The following MYO5C variants were observed in gnomAD, a reference collection of about 807,000 sequenced individuals.
The protein encoded by MYO5C is myosin VC, also known as unconventional myosin-Vc.
A neutral mutation model predicts 235.7 loss-of-function variants in MYO5C; 194 were observed. That is an observed-to-expected ratio of 0.82 (90% CI 0.73 to 0.93). The LOEUF is 0.93. Among genes scored for constraint, MYO5C ranks in the 40% least tolerant of loss-of-function variants. The pLI, the probability that MYO5C is intolerant of heterozygous loss-of-function variation, is 0.00. For synonymous variants in MYO5C, 707 were observed against 754.8 expected, an observed-to-expected ratio of 0.94 and a Z score of 1.04; for missense variants, 2,038 against 2,127.2, an observed-to-expected ratio of 0.96 and a Z score of 0.82.
At chr15:52,291,733 T>TTTTTTTTTTTTTG in intron 1 of MYO5C, among the ~76,000 whole-genome samples, 1 of 48,862 alleles carries the variant, frequency 2.0e-5, no homozygotes, top group African/African-American at 8.9e-5. Flanking sequence ...TATTTTATGT[T>TTTTTTTTTTTTTG]TTTTTTTTTT....
chr15:52,245,534 C>T, intron 17 of MYO5C, 69 bp from the exon 18 acceptor site: 1 of 1,037,196 alleles, frequency 9.6e-7, no homozygotes, highest in Non-Finnish European at 1.5e-6. Context: ...GACTCCGCTG[C>T]CTTACCTGCC....
intron 38 of MYO5C, among the ~76,000 whole-genome samples, chr15:52,204,256 C>A (rs999675058): frequency 6.6e-6 from 1 of 151,874 alleles, no homozygotes; most frequent in Admixed American, 6.6e-5. Flanking sequence ...ACACCAGCCT[C>A]CGCTTACTCC....
chr15:52,289,445 T>G (rs1375806099), intron 1 of MYO5C, among the ~76,000 whole-genome samples: 1 of 152,188 alleles, frequency 6.6e-6, no homozygotes, highest in African/African-American at 2.4e-5. Context: ...CTAGCTCTCT[T>G]GCCCCTCATG....
chr15:52,225,399 A>G, intron 26 of MYO5C, 40 bp downstream of exon 26: 1 of 1,454,776 alleles, frequency 6.9e-7, no homozygotes, highest in Non-Finnish European at 9.7e-7. Context: ...TGATAAATTC[A>G]GTCTGCACCC....
Position 52,213,290 on chromosome 15 carries a change from T to C in MYO5C, c.4043-4A>G, listed in dbSNP as rs200229234. On this transcript the variant is annotated splice_region_variant and splice_polypyrimidine_tract_variant and intron_variant, in intron 33 of 40. Transcript: ENST00000261839. Reference sequence around the variant, plus strand: ...GAGGACGAGTGCACATCATTGGCTGTAGACAGAGGCAAACAATCAGCTAAA... The same window carrying C: ...GAGGACGAGTGCACATCATTGGCTGCAGACAGAGGCAAACAATCAGCTAAA... The C allele has an allele frequency of 1.9e-6, 3 of 1,608,420 alleles. No homozygotes were observed. Among genetic ancestry groups the C allele is most frequent in the South Asian group, 1.1e-5 (1 of 90,942 alleles).
chr15:52,209,102 C>T (rs1275280000), intron 35 of MYO5C, among the ~76,000 whole-genome samples: 1 of 151,998 alleles, frequency 6.6e-6, no homozygotes, highest in African/African-American at 2.4e-5. Flanking sequence ...GGTGGAGAGA[C>T]AAGAGCTCAG....
chr15:52,291,159 A>G (rs774073212), intron 1 of MYO5C, among the ~76,000 whole-genome samples: 1 of 152,230 alleles, frequency 6.6e-6, no homozygotes, highest in Non-Finnish European at 1.5e-5. Context: ...ACACTGAGGG[A>G]TGCTCACAAG....
chr15:52,249,833 T>G (rs1012011209), intron 13 of MYO5C, among the ~76,000 whole-genome samples: 1 of 152,212 alleles, frequency 6.6e-6, no homozygotes, highest in Admixed American at 6.5e-5. Flanking sequence ...CTGCTACATC[T>G]AAGCTCAGCT....
intron 36 of MYO5C, among the ~76,000 whole-genome samples, chr15:52,206,536 A>G (rs947334827): frequency 1.3e-5 from 2 of 152,126 alleles, no homozygotes; most frequent in African/African-American, 4.8e-5. Context: ...ATGTCCTTAT[A>G]AGAAGAGACA....
intron 11 of MYO5C, among the ~76,000 whole-genome samples, chr15:52,256,365 A>G (rs186605169): frequency 2.4e-4 from 37 of 152,256 alleles, no homozygotes; most frequent in Middle Eastern, 6.8e-3. Context: ...CCAACTAAAT[A>G]GTTTTGTCTG....
chr15:52,291,473 C>G (rs1232871297), intron 1 of MYO5C, among the ~76,000 whole-genome samples: 2 of 152,122 alleles, frequency 1.3e-5, no homozygotes, highest in Non-Finnish European at 2.9e-5. Flanking sequence ...TAACCCATGC[C>G]TGGTGCCTTT....
At position 52,214,586 on chromosome 15, in the gene MYO5C, C is replaced by T. The variant is rs751296402; in HGVS notation, c.4042+17G>A. The T allele has an allele frequency of 1.2e-5, 18 of 1,546,926 alleles. No homozygotes were observed. Among genetic ancestry groups the T allele is most frequent in the Non-Finnish European group, 1.6e-5 (18 of 1,137,020 alleles). ...GCCTTAGCTCAAAAGAATAAGAAAACAAGTATTGTTTCTTACCTTTTCCAA... is the reference window on the plus strand; with the variant it reads ...GCCTTAGCTCAAAAGAATAAGAAAATAAGTATTGTTTCTTACCTTTTCCAA... On this transcript the variant is annotated intron_variant, in intron 33 of 40. Transcript: ENST00000261839.
intron 21 of MYO5C, among the ~76,000 whole-genome samples, chr15:52,237,855 G>A (rs552536252): frequency 6.6e-6 from 1 of 152,256 alleles, no homozygotes; most frequent in African/African-American, 2.4e-5. Flanking sequence ...CAAACTGGTG[G>A]CTATTTTAAT....
chr15:52,222,525 A>G (rs2035714187), intron 29 of MYO5C, among the ~76,000 whole-genome samples: 2 of 152,194 alleles, frequency 1.3e-5, no homozygotes, highest in Non-Finnish European at 2.9e-5. Context: ...GCATCGCCAG[A>G]GGCTGCTGAG....
rs781336520 is a variant in MYO5C at position 52,244,419 on chromosome 15, A to C, written c.2327T>G (p.Phe776Cys). ...HMRGWLQRKK[F>C]LRERRAALII... ...CAGGGCGGCTCGTCTCTCTCGGAGG[A>C]ATTTTTTCCTCTGGAGCCAGCCACG... The change falls in exon 19 of 41, where the codon TTC becomes TGC. Residue 776 changes from phenylalanine to cysteine, a missense_variant. Physicochemically the swap from Phe to Cys is radical, Grantham distance 205. Coordinates refer to ENST00000261839, the MANE Select transcript of MYO5C (RefSeq NM_018728.4). The C allele has an allele frequency of 6.2e-7, 1 of 1,613,976 alleles. No homozygotes were observed. The highest frequency in any genetic ancestry group is 8.5e-7 in the Non-Finnish European group (1 of 1,179,996).
intron 39 of MYO5C, 36 bp from the exon 40 acceptor site, chr15:52,195,493 A>G: frequency 1.5e-6 from 2 of 1,378,022 alleles, no homozygotes; most frequent in Middle Eastern, 1.8e-4. Context: ...TAGACCATGC[A>G]AAATAATAAC....
intron 1 of MYO5C, 97 bp downstream of exon 1, chr15:52,295,513 G>C: frequency 7.4e-7 from 1 of 1,358,038 alleles, no homozygotes; most frequent in Admixed American, 2.7e-5. Context: ...TGTCAGGTGC[G>C]CAGGTGTGGC....
rs144968303 is a variant in MYO5C at position 52,273,699 on chromosome 15, G to T, written c.607-976C>A. Among the ~76,000 whole-genome samples, 92 of 152,266 alleles carry T rather than the reference G, an allele frequency of 6.0e-4. 1 individual carries two copies. The highest frequency in any genetic ancestry group is 2.1e-3 in the African/African-American group (86 of 41,556). ...GGACTTCCAGCCTCCAGAATTGCGA[G>T]AAATAAATTTCTGTTGTTTATAAGC... On this transcript the variant is annotated intron_variant, in intron 5 of 40. Coordinates refer to ENST00000261839, the MANE Select transcript of MYO5C (RefSeq NM_018728.4).
At position 52,244,451 on chromosome 15, in the gene MYO5C, C is replaced by T. The variant is rs1226046327; in HGVS notation, c.2295G>A (p.Lys765=). The T allele has an allele frequency of 1.2e-6, 2 of 1,614,200 alleles. No individual in the cohort carries two copies. Among genetic ancestry groups the T allele is most frequent in the South Asian group, 1.1e-5 (1 of 91,080 alleles). ...KLRQSCVMVQ[K]HMRGWLQRKK... is the part of the protein sequence containing the mutation. ...TCCTCTGGAGCCAGCCACGCATGTG[C>T]TTTTGTACCATAACACAACTCTGCC... is the stretch of plus-strand genomic sequence containing the variant. The change falls in exon 19 of 41, where the codon AAG becomes AAA. Residue 765 remains lysine (K), a synonymous_variant. Coordinates refer to ENST00000261839, the MANE Select transcript of MYO5C (RefSeq NM_018728.4).
Sources: allele counts gnomAD v4.1 joint callset (sites outside exome capture counted in the v4.1 genomes callset), GRCh38; gene constraint gnomAD v4.1.1; transcripts MANE v1.5; gene names NCBI Gene and HGNC (gene_info 2026-07-23, HGNC 2026-07-21).